Variants in CIMIP6 observed in about 807,000 individuals in gnomAD.
The protein encoded by CIMIP6 is ciliary microtubule inner protein 6, also known as uncharacterized protein C2orf73.
the CIMIP6 span, among the ~76,000 whole-genome samples, chr2:54,337,678 GA>G: frequency 2.6e-5 from 4 of 151,840 alleles, no homozygotes; most frequent in Non-Finnish European, 5.9e-5. Context: ...AGGTATGTTG[GA>G]AAAAAAATGA....
At chr2:54,382,538 A>C in the CIMIP6 span, among the ~76,000 whole-genome samples, 1 of 151,842 alleles carries the variant, frequency 6.6e-6, no homozygotes. Context: ...TTATTTTTCC[A>C]CTTGAAATAT....
chr2:54,357,115 A>T, the CIMIP6 span, among the ~76,000 whole-genome samples: 1 of 152,250 alleles, frequency 6.6e-6, no homozygotes, highest in Non-Finnish European at 1.5e-5. Context: ...TAAGTAGAAA[A>T]TGAGTTTTGA....
At chr2:54,368,658 T>C in the CIMIP6 span, among the ~76,000 whole-genome samples, 1 of 152,210 alleles carries the variant, frequency 6.6e-6, no homozygotes, top group Non-Finnish European at 1.5e-5. Flanking sequence ...GGCATCTGCT[T>C]GACCTCCAGA....
the CIMIP6 span, among the ~76,000 whole-genome samples, chr2:54,342,169 C>T: frequency 6.6e-6 from 1 of 152,150 alleles, no homozygotes; most frequent in Non-Finnish European, 1.5e-5. Flanking sequence ...TATAAAGTGA[C>T]AAAGTGAAGT....
chr2:54,347,187 G>A, the CIMIP6 span, among the ~76,000 whole-genome samples: 3 of 152,162 alleles, frequency 2.0e-5, no homozygotes, highest in East Asian at 5.8e-4. Context: ...AAGGTCAATT[G>A]CTAACTTTAA....
chr2:54,352,107 T>G, the CIMIP6 span, among the ~76,000 whole-genome samples: 1,880 of 152,274 alleles, frequency 0.012, 46 homozygotes, highest in African/African-American at 0.043. Flanking sequence ...AGCACAACAC[T>G]AGTATTTGAT....
the CIMIP6 span, among the ~76,000 whole-genome samples, chr2:54,363,398 TA>T: frequency 6.6e-6 from 1 of 152,160 alleles, no homozygotes; most frequent in African/African-American, 2.4e-5. Context: ...ATGCCACAGT[TA>T]CCCTGGCTTA....
At chr2:54,342,330 C>T in the CIMIP6 span, among the ~76,000 whole-genome samples, 5 of 152,188 alleles carry the variant, frequency 3.3e-5, no homozygotes, top group South Asian at 6.2e-4. Flanking sequence ...AACTGTTAGC[C>T]GGAACACAAA....
At chr2:54,356,486 C>G in the CIMIP6 span, among the ~76,000 whole-genome samples, 2 of 152,134 alleles carry the variant, frequency 1.3e-5, no homozygotes, top group Admixed American at 1.3e-4. Context: ...GTCCAAATTG[C>G]CACCAACCCT....
chr2:54,382,763 A>T, the CIMIP6 span, among the ~76,000 whole-genome samples: 2 of 152,234 alleles, frequency 1.3e-5, no homozygotes, highest in African/African-American at 4.8e-5. Context: ...TGGCGGATTT[A>T]TGCCAACAGA....
At chr2:54,332,121 T>C in the CIMIP6 span, among the ~76,000 whole-genome samples, 2 of 152,298 alleles carry the variant, frequency 1.3e-5, no homozygotes, top group Non-Finnish European at 2.9e-5. Flanking sequence ...CTGGGAAGCT[T>C]TGGCAGTTAC....
the CIMIP6 span, among the ~76,000 whole-genome samples, chr2:54,342,817 A>G: frequency 6.6e-6 from 1 of 152,156 alleles, no homozygotes; most frequent in African/African-American, 2.4e-5. Context: ...ACCGGAAGTT[A>G]CTTTCATATC....
At chr2:54,373,421 C>T in the CIMIP6 span, among the ~76,000 whole-genome samples, 6 of 152,108 alleles carry the variant, frequency 3.9e-5, no homozygotes, top group East Asian at 3.9e-4. Flanking sequence ...CCTCCAACCC[C>T]GCAGCACAAA....
the CIMIP6 span, among the ~76,000 whole-genome samples, chr2:54,344,782 G>A: frequency 6.6e-6 from 1 of 152,070 alleles, no homozygotes; most frequent in African/African-American, 2.4e-5. Context: ...AAGATTTGGA[G>A]AATAAAGTCA....
At chr2:54,343,850 T>C in the CIMIP6 span, 8 of 1,604,800 alleles carry the variant, frequency 5.0e-6, no homozygotes, top group Middle Eastern at 3.3e-4. Context: ...CACAGCAAGA[T>C]GCAAAAGCCT....
the CIMIP6 span, among the ~76,000 whole-genome samples, chr2:54,362,141 C>T: frequency 6.6e-6 from 1 of 152,120 alleles, no homozygotes; most frequent in Non-Finnish European, 1.5e-5. Flanking sequence ...TCTAGTGATA[C>T]CACTGAAGTC....
At chr2:54,345,029 A>G in the CIMIP6 span, among the ~76,000 whole-genome samples, 1 of 152,192 alleles carries the variant, frequency 6.6e-6, no homozygotes, top group African/African-American at 2.4e-5. Flanking sequence ...ACTCTATGCA[A>G]TATAATAGTG....
At chr2:54,337,023 T>C in the CIMIP6 span, among the ~76,000 whole-genome samples, 1 of 152,212 alleles carries the variant, frequency 6.6e-6, no homozygotes, top group Admixed American at 6.5e-5. Flanking sequence ...ATTCAAAATA[T>C]GTCACAGCAA....
the CIMIP6 span, among the ~76,000 whole-genome samples, chr2:54,331,379 C>T: frequency 6.6e-6 from 1 of 152,182 alleles, no homozygotes; most frequent in African/African-American, 2.4e-5. Context: ...CTGCAACAGC[C>T]CTCCAGTTGG....
Sources: gnomAD v4.1 joint callset for allele counts (sites outside exome capture counted in the v4.1 genomes callset) on GRCh38, gnomAD v4.1.1 for gene constraint, MANE v1.5 for transcripts, NCBI Gene and HGNC (gene_info 2026-07-23, HGNC 2026-07-21) for gene names.